The following PACSIN2 variants were observed in gnomAD, a reference collection of about 807,000 sequenced individuals.
The protein encoded by PACSIN2 is protein kinase C and casein kinase substrate in neurons 2, also known as protein kinase C and casein kinase substrate in neurons protein 2.
A neutral mutation model predicts 63.8 loss-of-function variants in PACSIN2; 25 were observed. That is an observed-to-expected ratio of 0.39 (90% CI 0.29 to 0.55). The LOEUF (loss-of-function observed/expected upper bound fraction) is 0.55, where lower values mean the gene tolerates loss of function less well. Ranked by LOEUF, PACSIN2 falls within the 20% of genes least tolerant of loss-of-function variation. The probability of loss-of-function intolerance (pLI) is 0.62; values close to 1 mark genes in which losing one functional copy is unlikely to be tolerated. For missense variants in PACSIN2, 518 were observed against 646.9 expected, an observed-to-expected ratio of 0.80 and a Z score of 2.16; for synonymous variants, 255 against 256.2, an observed-to-expected ratio of 1.00 and a Z score of 0.05.
At chr22:42,909,391 G>A (rs754210366) in intron 2 of PACSIN2, 2 of 377,484 alleles carry the variant, frequency 5.3e-6, no homozygotes, top group African/African-American at 4.3e-5. Context: ...CTTTGGAAAA[G>A]TGTCCTTCCA....
In PACSIN2 at chr22:42,960,470, C is replaced by G. The variant is rs149909123; in HGVS notation, c.-77-48313G>C. 1.8e-3 allele frequency among the ~76,000 whole-genome samples: 272 copies of G among 152,208 alleles called. 1 individual carries two copies. Among genetic ancestry groups the G allele is most frequent in the Non-Finnish European group, 3.3e-3 (225 of 68,010 alleles). On this transcript the variant is annotated intron_variant, in intron 1 of 10. Transcript: ENST00000263246. ...GGTCTCTCAGCAGCACGACTGTCTCCTAAGAACTAGGACACTCAAATACGC... is the reference window on the plus strand; with the variant it reads ...GGTCTCTCAGCAGCACGACTGTCTCGTAAGAACTAGGACACTCAAATACGC...
chr22:42,874,286 A>C (rs1330971952), intron 10 of PACSIN2, among the ~76,000 whole-genome samples: 1 of 150,712 alleles, frequency 6.6e-6, no homozygotes, highest in Non-Finnish European at 1.5e-5. Context: ...CACCACTGTA[A>C]CCCAGCTTGG....
chr22:42,899,355 C>T (rs1305370566), intron 2 of PACSIN2, among the ~76,000 whole-genome samples: 1 of 152,082 alleles, frequency 6.6e-6, no homozygotes, highest in East Asian at 1.9e-4. Context: ...GGTGCCATCT[C>T]GGCTCACTTG....
At chr22:42,928,148 G>A (rs527314980) in intron 1 of PACSIN2, among the ~76,000 whole-genome samples, 5 of 152,338 alleles carry the variant, frequency 3.3e-5, no homozygotes. Flanking sequence ...CTACACTTAA[G>A]GGGCAAACCA....
intron 1 of PACSIN2, among the ~76,000 whole-genome samples, chr22:42,964,105 G>A (rs144299622): frequency 4.3e-4 from 65 of 152,244 alleles, no homozygotes; most frequent in Middle Eastern, 3.4e-3. Context: ...CCCAGCCCGC[G>A]GCAGTCATTG....
chr22:42,996,767 C>G (rs1174228229), intron 1 of PACSIN2, among the ~76,000 whole-genome samples: 1 of 152,122 alleles, frequency 6.6e-6, no homozygotes, highest in Non-Finnish European at 1.5e-5. Context: ...GTTGGTATTT[C>G]TGATGGTGTC....
chr22:42,911,050 G>GCCCACCA (rs1485422279), intron 2 of PACSIN2, among the ~76,000 whole-genome samples: 8 of 151,942 alleles, frequency 5.3e-5, no homozygotes, highest in African/African-American at 1.9e-4. Flanking sequence ...GGTTACAGGT[G>GCCCACCA]CCCACCACCA....
intron 1 of PACSIN2, among the ~76,000 whole-genome samples, chr22:42,935,876 C>T (rs1055458639): frequency 2.6e-5 from 4 of 152,112 alleles, no homozygotes; most frequent in Non-Finnish European, 4.4e-5. Context: ...TTACTGGCCA[C>T]GTTACCCAGG....
At chr22:42,980,465 ACCCTCT>A (rs1193318031) in intron 1 of PACSIN2, among the ~76,000 whole-genome samples, 139 of 133,388 alleles carry the variant, frequency 1.0e-3, no homozygotes, top group Middle Eastern at 3.8e-3. Context: ...AAAACAAACA[ACCCTCT>A]CCCTCTCCCT....
intron 2 of PACSIN2, among the ~76,000 whole-genome samples, chr22:42,894,520 C>T (rs940122718): frequency 2.0e-5 from 3 of 152,182 alleles, no homozygotes; most frequent in Non-Finnish European, 2.9e-5. Context: ...GGATTACAGG[C>T]GTGAGGCACC....
chr22:42,904,111 A>G (rs1184697842), intron 2 of PACSIN2, among the ~76,000 whole-genome samples: 1 of 152,248 alleles, frequency 6.6e-6, no homozygotes, highest in Non-Finnish European at 1.5e-5. Context: ...CAAAGGCAGA[A>G]CACATAAGAT....
At chr22:42,989,899 C>T (rs1481818412) in intron 1 of PACSIN2, among the ~76,000 whole-genome samples, 2 of 147,014 alleles carry the variant, frequency 1.4e-5, no homozygotes, top group East Asian at 4.0e-4. Flanking sequence ...CACACACACA[C>T]ATATATGTAT....
intron 1 of PACSIN2, among the ~76,000 whole-genome samples, chr22:42,997,473 G>A (rs1050076030): frequency 2.6e-5 from 4 of 151,772 alleles, no homozygotes; most frequent in Admixed American, 1.3e-4. Flanking sequence ...CAGGAGAATC[G>A]CTTGAACCCG....
rs1390235407 is a variant in PACSIN2 at position 42,871,989 on chromosome 22, T to C, written c.1349-520A>G. 1.3e-5 allele frequency among the ~76,000 whole-genome samples: 2 copies of C among 152,232 alleles called. No homozygotes were observed. The highest frequency in any genetic ancestry group is 2.9e-5 in the Non-Finnish European group (2 of 68,044). On this transcript the variant is annotated intron_variant, in intron 10 of 10. Transcript: ENST00000263246. This position sits in a 1 kb window ranked among gnomAD's most constrained non-coding sequence, Gnocchi z 5.4. Reference sequence around the variant, plus strand: ...TACCTGTCATTTTATCCCCAGCACCTGGCTGATGACTTGTGCACGGTGCCA... The same window carrying C: ...TACCTGTCATTTTATCCCCAGCACCCGGCTGATGACTTGTGCACGGTGCCA...
chr22:42,903,458 T>C (rs1168185412), intron 2 of PACSIN2, among the ~76,000 whole-genome samples: 4 of 152,196 alleles, frequency 2.6e-5, no homozygotes, highest in Non-Finnish European at 5.9e-5. Flanking sequence ...ACAGGGGTCC[T>C]TGAAAAACCA....
intron 1 of PACSIN2, chr22:43,002,253 A>T (rs1489927520): frequency 6.6e-6 from 1 of 152,180 alleles, no homozygotes; most frequent in Non-Finnish European, 1.5e-5. Flanking sequence ...GAGTCTTTCC[A>T]ATATGCATCC....
chr22:42,965,571 C>T (rs1920946461), intron 1 of PACSIN2, among the ~76,000 whole-genome samples: 1 of 152,218 alleles, frequency 6.6e-6, no homozygotes, highest in Non-Finnish European at 1.5e-5. Flanking sequence ...CCAAGAACCA[C>T]AAAGTGCCTC....
At chr22:43,011,141 G>C (rs1196766168) in intron 1 of PACSIN2, among the ~76,000 whole-genome samples, 1 of 152,152 alleles carries the variant, frequency 6.6e-6, no homozygotes, top group Admixed American at 6.5e-5. Flanking sequence ...GGGCAGGGAC[G>C]AATGATACTT....
intron 1 of PACSIN2, among the ~76,000 whole-genome samples, chr22:42,970,876 G>GCAGCGCCTCCCCACGCCACCCA (rs2146866326): frequency 6.6e-6 from 1 of 152,240 alleles, no homozygotes; most frequent in African/African-American, 2.4e-5. Flanking sequence ...AGGCTGGCCT[G>GCAGCGCCTCCCCACGCCACCCA]CAGCGCCTCC....
Sources: allele counts gnomAD v4.1 joint callset (sites outside exome capture counted in the v4.1 genomes callset), GRCh38; gene constraint gnomAD v4.1.1; non-coding constraint Gnocchi (gnomAD v3.1); transcripts MANE v1.5; gene names NCBI Gene and HGNC (gene_info 2026-07-23, HGNC 2026-07-21).